ANKRD26: variants seen among roughly 807,000 people sequenced by gnomAD.
ANKRD26 encodes the protein ankyrin repeat domain-containing protein 26.
Under a neutral mutation model 208.7 loss-of-function variants are expected in ANKRD26, and 141 were observed. The ratio of observed to expected loss-of-function variants is 0.68; its 90% CI spans 0.59 to 0.78. The LOEUF (loss-of-function observed/expected upper bound fraction) is 0.78, where lower values mean the gene tolerates loss of function less well. Among genes scored for constraint, ANKRD26 ranks in the 30% least tolerant of loss-of-function variants. The probability of loss-of-function intolerance (pLI) is 0.00; values close to 1 mark genes in which losing one functional copy is unlikely to be tolerated. For missense variants in ANKRD26, 1,889 were observed against 1,938.7 expected (o/e 0.97, Z 0.48); for synonymous variants, 636 against 660.4 (o/e 0.96, Z 0.57).
chr10:27,069,151 C>T (rs1033780862), intron 9 of ANKRD26, among the ~76,000 whole-genome samples: 3 of 129,608 alleles, frequency 2.3e-5, no homozygotes, highest in Admixed American at 9.0e-5. Context: ...ACAGAGGTGA[C>T]GCCATTGCGC....
chr10:26,978,705 C>A (rs1669726747), intron 5 of ANKRD26, among the ~76,000 whole-genome samples: 1 of 152,120 alleles, frequency 6.6e-6, no homozygotes, highest in Non-Finnish European at 1.5e-5. Context: ...TGCTCTGGCC[C>A]CCTGGGCATG....
At position 27,035,428 on chromosome 10, in the gene ANKRD26, AT is replaced by A; in HGVS notation, c.3021del (p.Glu1007AspfsTer24). On this transcript the variant is annotated frameshift_variant, in exon 24 of 34. Transcript: ENST00000376087. LOFTEE classifies it high-confidence loss of function. ...QSKERLEAEV[E>X]SYHSRLAAAI... ...GCAGCAGCCAATCTAGAATGGTATG[AT>A]TCAACTTCTGCTTCCAGTCTTTCCT... 6.2e-7 allele frequency: 1 copy of A among 1,614,000 alleles called. No homozygotes were observed. The highest frequency in any genetic ancestry group is 8.5e-7 in the Non-Finnish European group (1 of 1,179,950).
chr10:27,098,742 G>T (rs937715233), intron 1 of ANKRD26, among the ~76,000 whole-genome samples: 3 of 151,820 alleles, frequency 2.0e-5, no homozygotes, highest in African/African-American at 7.3e-5. Context: ...GTAGAAACGG[G>T]GTTTCACTGT....
intron 27 of ANKRD26, among the ~76,000 whole-genome samples, chr10:27,025,964 G>A (rs2053645222): frequency 6.6e-6 from 1 of 152,160 alleles, no homozygotes; most frequent in Non-Finnish European, 1.5e-5. Context: ...GTTATTTTGA[G>A]TGTAGTGTTA....
chr10:27,014,435 G>T, intron 31 of ANKRD26, 59 bp downstream of exon 31: 1 of 1,289,688 alleles, frequency 7.8e-7, no homozygotes, highest in Non-Finnish European at 1.1e-6. Context: ...TAAGAATTAT[G>T]CTTTCAAGGC....
rs11346457 is a variant in ANKRD26, at chr10:27,018,141, A to ATTTTT, written c.4216-354_4216-350dup. ...ACTTCCCCCATAAACATGCCCTATA[A>ATTTTT]TTTTTTTTTTTTTTTTTTAGTCTTG... On this transcript the variant is annotated intron_variant, in intron 29 of 33. Transcript: ENST00000376087. Among the ~76,000 whole-genome samples the ATTTTT allele has an allele frequency of 4.4e-3, 582 of 131,150 alleles. 6 individuals carry two copies. The highest frequency in any genetic ancestry group is 0.016 in the African/African-American group (538 of 34,464). The allele number at this position is 131,150 out of a possible 152,430, so 86.0% of individuals were successfully genotyped here. A position where few individuals can be genotyped will look rare whatever the true frequency, so the allele number is the denominator to read the frequency against.
chr10:27,009,451 A>T (rs1403944010), intron 32 of ANKRD26, among the ~76,000 whole-genome samples: 1 of 152,226 alleles, frequency 6.6e-6, no homozygotes, highest in Non-Finnish European at 1.5e-5. Context: ...CATTTTCCTC[A>T]TATTTCCCTT....
Position 27,013,026 on chromosome 10 carries a change from G to C in ANKRD26, c.4809C>G (p.Thr1603=), listed in dbSNP as rs781405358. Residue 1603 remains threonine, a synonymous_variant, in exon 32 of 34, where the codon ACC becomes ACG. Transcript: ENST00000376087. ...QSRSLFTTLT[T]RPVMEPPCVG... is the part of the protein sequence containing the mutation. ...CACAAGGTGGCTCCATGACTGGCCT[G>C]GTAGTGAGAGTGGTGAACAAAGATC... 3 of 1,614,050 alleles carry C rather than the reference G, an allele frequency of 1.9e-6. No individual in the cohort carries two copies. The highest frequency in any genetic ancestry group is 2.5e-6 in the Non-Finnish European group (3 of 1,179,962).
Position 27,065,315 on chromosome 10 carries a change from G to A in ANKRD26, c.1269+1172C>T, listed in dbSNP as rs546258273. ...TAAGCCCCCACCTTGTATATGCGGT[G>A]TCTAACAGCCTAGCACATGGTTGGT... On this transcript the variant is annotated intron_variant, in intron 11 of 33. Transcript: ENST00000376087. Among the ~76,000 whole-genome samples the A allele has an allele frequency of 3.9e-5, 6 of 152,294 alleles. No individual in the cohort carries two copies. The East Asian group carries it at 1.2e-3, about 29-fold the overall frequency.
intron 15 of ANKRD26, among the ~76,000 whole-genome samples, chr10:27,053,955 G>C (rs1475711766): frequency 6.6e-6 from 1 of 152,016 alleles, no homozygotes; most frequent in African/African-American, 2.4e-5. Flanking sequence ...CTTTATCATT[G>C]TACATCACGC....
intron 1 of ANKRD26, among the ~76,000 whole-genome samples, chr10:27,095,856 C>CT (rs2056451410): frequency 6.6e-6 from 1 of 152,266 alleles, no homozygotes; most frequent in African/African-American, 2.4e-5. Flanking sequence ...AATGAATGCA[C>CT]TCCACTCTGG....
At position 27,043,419 on chromosome 10, in the gene ANKRD26, GT is replaced by G. The variant is rs1030987218; in HGVS notation, c.2161+6del. On this transcript the variant is annotated splice_donor_region_variant and intron_variant, in intron 20 of 33. Coordinates refer to ENST00000376087, the MANE Select transcript of ANKRD26 (RefSeq NM_014915.3). ...AAAAAGGCCTTAAATTTATGCAATG[GT>G]CCTACCTTTACACTCCATTCCAAGT... 3 of 1,613,486 alleles carry G rather than the reference GT, an allele frequency of 1.9e-6. No homozygotes were observed. The African/African-American group carries it at 4.0e-5, about 22-fold the overall frequency.
chr10:27,079,305 T>C, intron 6 of ANKRD26, 144 bp from the exon 7 acceptor site: 2 of 687,054 alleles, frequency 2.9e-6, no homozygotes, highest in Non-Finnish European at 5.0e-6. Flanking sequence ...TTAAATGATG[T>C]TTCTTGATCT....
chr10:27,081,579 G>A (rs566439354), intron 6 of ANKRD26, among the ~76,000 whole-genome samples: 3 of 152,246 alleles, frequency 2.0e-5, no homozygotes, highest in African/African-American at 7.2e-5. Flanking sequence ...GTACTAGATG[G>A]CATTCTGATT....
In ANKRD26 at chr10:27,034,820, A is replaced by G; in HGVS notation, c.3630T>C (p.Tyr1210=). ...CTTCTCTTTCTGCCTTTTCATTTTC[A>G]TATTGATACTGTCTTTCTTTTAAGT... is the stretch of plus-strand genomic sequence containing the variant. ...CNHLKERQYQ[Y]ENEKAEREVV... Residue 1210 remains tyrosine, a synonymous_variant, in exon 24 of 34, where the codon TAT becomes TAC. Transcript: ENST00000376087. 6.2e-7 allele frequency: 1 copy of G among 1,607,756 alleles called. No individual in the cohort carries two copies. The highest frequency in any genetic ancestry group is 8.5e-7 in the Non-Finnish European group (1 of 1,177,604).
chr10:26,987,840 T>C (rs182858056), downstream of ANKRD26, among the ~76,000 whole-genome samples: 102 of 152,268 alleles, frequency 6.7e-4, no homozygotes, highest in African/African-American at 2.4e-3. Context: ...CGTAATAATA[T>C]CTTCAACAGA....
chr10:27,002,590 C>A (rs553192509), downstream of ANKRD26, among the ~76,000 whole-genome samples: 1 of 152,154 alleles, frequency 6.6e-6, no homozygotes. Flanking sequence ...GCAGGAGAGG[C>A]TCTGACCATG....
chr10:27,009,112 T>C (rs1369636726), intron 32 of ANKRD26, among the ~76,000 whole-genome samples: 1 of 152,206 alleles, frequency 6.6e-6, no homozygotes, highest in Non-Finnish European at 1.5e-5. Flanking sequence ...GTGCTGGGAT[T>C]ACAGGCAGGA....
intron 5 of ANKRD26, among the ~76,000 whole-genome samples, chr10:27,086,036 A>AT (rs2056103373): frequency 6.6e-6 from 1 of 152,186 alleles, no homozygotes; most frequent in Non-Finnish European, 1.5e-5. Context: ...ACAGTAGGCA[A>AT]TTAGTAGTTA....
Sources: allele counts gnomAD v4.1 joint callset (sites outside exome capture counted in the v4.1 genomes callset), GRCh38; gene constraint gnomAD v4.1.1; transcripts MANE v1.5; gene names NCBI Gene and HGNC (gene_info 2026-07-23, HGNC 2026-07-21).